Variants in AIFM3 observed in about 807,000 individuals in gnomAD.
AIFM3 encodes apoptosis-inducing factor 3.
A neutral mutation model predicts 82.7 loss-of-function variants in AIFM3; 71 were observed. The observed-to-expected ratio is 0.86, with a 90% CI of 0.71 to 1.05. The LOEUF (loss-of-function observed/expected upper bound fraction) is 1.05. Ranked by LOEUF, AIFM3 falls within the 50% of genes least tolerant of loss-of-function variation. The pLI, the probability that AIFM3 is intolerant of heterozygous loss-of-function variation, is 0.00. For missense variants in AIFM3, 748 were observed against 816.7 expected, an observed-to-expected ratio of 0.92 and a Z score of 1.03; for synonymous variants, 337 against 329.1, an observed-to-expected ratio of 1.02 and a Z score of -0.26.
rs1165368641 is a variant in AIFM3 at position 20,976,307 on chromosome 22, G to T, written c.899+1G>T. 1.9e-6 allele frequency: 3 copies of T among 1,613,846 alleles called. No individual in the cohort carries two copies. The African/African-American group carries it at 4.0e-5, about 22-fold the overall frequency. ...AGCTGCTGCTGGCACCAGGGAGCAG[G>T]TGGGAGGGTCTCCTTTTTACCCATC... On this transcript the variant is annotated splice_donor_variant, in intron 10 of 20. Coordinates refer to ENST00000440238, the MANE Select transcript of AIFM3 (RefSeq NM_001386814.1). LOFTEE classifies it high-confidence loss of function.
At position 20,974,267 on chromosome 22, in the gene AIFM3, G is replaced by A; in HGVS notation, c.481G>A (p.Glu161Lys). The part of the protein sequence containing the change: ...LHKFQVKIEK[E>K]KVYVRASKQA... The stretch of plus-strand genomic sequence containing the variant: ...GCCCTTGCAGGTGAAGATTGAGAAG[G>A]AGAAGGTGTACGTCCGGGCCAGCAA... Residue 161 changes from glutamate to lysine, a missense_variant, in exon 6 of 21, where the codon GAG (glutamate) becomes AAG (lysine). Glu to Lys is a moderately conservative substitution (Grantham distance 56). Coordinates refer to ENST00000440238, the MANE Select transcript of AIFM3 (RefSeq NM_001386814.1). 3.1e-6 allele frequency: 5 copies of A among 1,613,860 alleles called. No homozygotes were observed. Among genetic ancestry groups the A allele is most frequent in the Non-Finnish European group, 4.2e-6 (5 of 1,180,000 alleles).
intron 2 of AIFM3, among the ~76,000 whole-genome samples, chr22:20,968,669 T>C (rs1233108078): frequency 6.6e-6 from 1 of 152,106 alleles, no homozygotes; most frequent in Non-Finnish European, 1.5e-5. Flanking sequence ...CCCCCCACTT[T>C]CCCTCTTCTC....
At chr22:20,975,390 C>T (rs890226634) in intron 8 of AIFM3, among the ~76,000 whole-genome samples, 4 of 151,262 alleles carry the variant, frequency 2.6e-5, no homozygotes, top group East Asian at 2.0e-4. Context: ...CTCTGCCTCC[C>T]GGGTAGCTAG....
rs1923959965 is a variant in AIFM3, at chr22:20,979,710, CA to C, written c.1652+9del. 6.2e-7 allele frequency: 1 copy of C among 1,614,034 alleles called. No homozygotes were observed. The highest frequency in any genetic ancestry group is 1.3e-5 in the African/African-American group (1 of 74,936). On this transcript the variant is annotated intron_variant, in intron 18 of 20. Transcript: ENST00000440238. ...TGTGGCTTTTTACACTAAGTGAGAG[CA>C]CCGGGGTGCAGCTTGGCGCGAAGCA...
rs1923912709 is a variant in AIFM3, at chr22:20,979,333, T to C, written c.1540T>C (p.Trp514Arg). The change falls in exon 17 of 21, where the codon TGG (tryptophan) becomes CGG (arginine). Residue 514 changes from tryptophan to arginine, a missense_variant. Physicochemically the swap from Trp to Arg is moderately radical, Grantham distance 101. Coordinates refer to ENST00000440238, the MANE Select transcript of AIFM3 (RefSeq NM_001386814.1). ...GGAGATGAGCACTGTGCCCTACCTC[T>C]GGACCGCCATGTTTGGCAAGAGCCT... ...EAEMSTVPYL[W>R]TAMFGKSLRY... 3 of 1,554,882 alleles carry C rather than the reference T, an allele frequency of 1.9e-6. No homozygotes were observed. The highest frequency in any genetic ancestry group is 2.6e-6 in the Non-Finnish European group (3 of 1,150,256).
intron 4 of AIFM3, 37 bp from the exon 5 acceptor site, chr22:20,974,026 C>T: frequency 1.3e-6 from 2 of 1,567,400 alleles, no homozygotes; most frequent in Non-Finnish European, 1.7e-6. Context: ...GAAGCAACCC[C>T]TGCTGGTGGG....
rs1433999714 is a variant in AIFM3, at chr22:20,976,641, C to T, written c.1031-10C>T. 1 of 1,611,166 alleles carries T rather than the reference C, an allele frequency of 6.2e-7. No homozygotes were observed. The highest frequency in any genetic ancestry group is 8.5e-7 in the Non-Finnish European group (1 of 1,178,646). ...CAGGTGCCAGCCTGCCACCCCCTGCCCATCACCAGGGATGGAGGTGGCCGC... is the reference window on the plus strand; with the variant it reads ...CAGGTGCCAGCCTGCCACCCCCTGCTCATCACCAGGGATGGAGGTGGCCGC... On this transcript the variant is annotated splice_polypyrimidine_tract_variant and intron_variant, in intron 11 of 20. Transcript: ENST00000440238.
At chr22:20,980,552 C>T (rs1334272086) in intron 19 of AIFM3, 195 bp from the exon 20 acceptor site, 29 of 689,030 alleles carry the variant, frequency 4.2e-5, no homozygotes, top group Non-Finnish European at 5.2e-6. Flanking sequence ...GTTCCCTTAT[C>T]CTGGTGTGGT....
In AIFM3 at chr22:20,974,133, G is replaced by A. The variant is rs1923471597; in HGVS notation, c.426G>A (p.Leu142=). 1.2e-6 allele frequency: 2 copies of A among 1,613,454 alleles called. No homozygotes were observed. Among genetic ancestry groups the A allele is most frequent in the Non-Finnish European group, 1.7e-6 (2 of 1,179,936 alleles). ...GCTTCAACATCAGCACTGGGGACCTGGAGGACTTCCCTGGCCTGGACAGTC... is the reference window on the plus strand; with the variant it reads ...GCTTCAACATCAGCACTGGGGACCTAGAGGACTTCCCTGGCCTGGACAGTC... ...GACFNISTGD[L]EDFPGLDSLH... Residue 142 remains leucine (L), a synonymous_variant, in exon 5 of 21, where the codon CTG becomes CTA. Coordinates refer to ENST00000440238, the MANE Select transcript of AIFM3 (RefSeq NM_001386814.1).
chr22:20,973,879 G>A lies in AIFM3; in HGVS notation c.355+12G>A, dbSNP rs767980238. The A allele has an allele frequency of 1.5e-4, 223 of 1,515,384 alleles. No homozygotes were observed. The highest frequency in any genetic ancestry group is 1.9e-4 in the Non-Finnish European group (216 of 1,127,208). The allele number at this position is 1,515,384 out of a possible 1,614,324, so 93.9% of individuals were successfully genotyped here. ...ACCCCTGGTGAAAGGTGAGCTGTCA[G>A]GTGGGAGGCGTGAGGGGGACCTTCC... On this transcript the variant is annotated intron_variant, in intron 4 of 20. Coordinates refer to ENST00000440238, the MANE Select transcript of AIFM3 (RefSeq NM_001386814.1).
At chr22:20,979,460 C>A in intron 17 of AIFM3, 91 bp downstream of exon 17, 1 of 1,347,618 alleles carries the variant, frequency 7.4e-7, no homozygotes, top group Non-Finnish European at 1.0e-6. Context: ...AGGGGCAGGG[C>A]TATGACCGCA....
chr22:20,975,215 C>T (rs1228790362), intron 8 of AIFM3, among the ~76,000 whole-genome samples: 2 of 151,912 alleles, frequency 1.3e-5, no homozygotes, highest in Non-Finnish European at 2.9e-5. Context: ...CATCCGCCCA[C>T]CTCAGCCTCC....
At chr22:20,980,584 G>T (rs13057408) in intron 19 of AIFM3, 163 bp from the exon 20 acceptor site, 16 of 838,588 alleles carry the variant, frequency 1.9e-5, no homozygotes, top group Admixed American at 3.6e-5. Flanking sequence ...TCACCCTCTG[G>T]GAGAGAGCTC....
intron 2 of AIFM3, among the ~76,000 whole-genome samples, chr22:20,969,147 C>T (rs986945764): frequency 1.1e-4 from 17 of 152,218 alleles, no homozygotes; most frequent in African/African-American, 3.6e-4. Flanking sequence ...GCGTCTGTGG[C>T]ACCGCTGGGC....
rs532341520 is a variant in AIFM3 at position 20,975,412 on chromosome 22, C to T, written c.721-280C>T. ...TCCCGGGTAGCTAGGACTACAGGCG[C>T]GCACCACCATGCCTGGCTAATATTT... On this transcript the variant is annotated intron_variant, in intron 8 of 20. Transcript: ENST00000440238. 3.5e-4 allele frequency among the ~76,000 whole-genome samples: 52 copies of T among 147,662 alleles called. 1 individual carries two copies. Among genetic ancestry groups the T allele is most frequent in the East Asian group, 1.8e-3 (9 of 4,910 alleles).
chr22:20,980,892 A>C (rs1601712317), intron 20 of AIFM3, 100 bp from the exon 21 acceptor site: 3 of 1,603,548 alleles, frequency 1.9e-6, no homozygotes, highest in East Asian at 4.5e-5. Flanking sequence ...TCTGGCACAG[A>C]ACAGACCCCC....
At chr22:20,973,259 G>A (rs922266009) in intron 2 of AIFM3, 48 bp from the exon 3 acceptor site, 3 of 1,546,266 alleles carry the variant, frequency 1.9e-6, no homozygotes. Flanking sequence ...AGGGATGGGG[G>A]AGGAAGTTGG....
chr22:20,970,532 C>T (rs1923204306), intron 2 of AIFM3, among the ~76,000 whole-genome samples: 1 of 152,218 alleles, frequency 6.6e-6, no homozygotes, highest in Non-Finnish European at 1.5e-5. Context: ...TTGATCTTGG[C>T]TCACTGCAAC....
At position 20,980,077 on chromosome 22, in the gene AIFM3, C is replaced by T; in HGVS notation, c.1710C>T (p.Val570=). ...ACTACGATCCCATTGTGTCCAAGGTCGCTGAGGTGCTGGCCTCAGGCCGTG... is the reference window on the plus strand; with the variant it reads ...ACTACGATCCCATTGTGTCCAAGGTTGCTGAGGTGCTGGCCTCAGGCCGTG... The part of the protein sequence containing the change: ...SMNYDPIVSK[V]AEVLASGRAI... The change falls in exon 19 of 21, where the codon GTC becomes GTT. Residue 570 remains valine (V), a synonymous_variant. Coordinates refer to ENST00000440238, the MANE Select transcript of AIFM3 (RefSeq NM_001386814.1). The T allele has an allele frequency of 6.2e-7, 1 of 1,610,862 alleles. No homozygotes were observed.
Sources: gnomAD v4.1 joint callset for allele counts (sites outside exome capture counted in the v4.1 genomes callset) on GRCh38, gnomAD v4.1.1 for gene constraint, MANE v1.5 for transcripts, NCBI Gene and HGNC (gene_info 2026-07-23, HGNC 2026-07-21) for gene names.